Variants in DROSHA observed in about 807,000 individuals in gnomAD.
The protein encoded by DROSHA is drosha ribonuclease III.
A neutral mutation model predicts 181.9 loss-of-function variants in DROSHA; 56 were observed. The ratio of observed to expected loss-of-function variants is 0.31; its 90% CI spans 0.25 to 0.38. The LOEUF is 0.38. Ranked by LOEUF, DROSHA falls within the 10% of genes least tolerant of loss-of-function variation. DROSHA has a pLI of 1.00. For missense variants in DROSHA, 1,218 were observed against 1,743.5 expected (o/e 0.70, Z 5.37); for synonymous variants, 524 against 591.2 (o/e 0.89, Z 1.65).
chr5:31,500,818 G>A (rs1045494322), intron 11 of DROSHA, among the ~76,000 whole-genome samples: 1 of 152,160 alleles, frequency 6.6e-6, no homozygotes, highest in East Asian at 1.9e-4. Flanking sequence ...CAGCCAAAGG[G>A]GTCTGACCCA....
chr5:31,526,827 G>A lies in DROSHA; in HGVS notation c.106C>T (p.Pro36Ser). 6.2e-7 allele frequency: 1 copy of A among 1,613,282 alleles called. No individual in the cohort carries two copies. Among genetic ancestry groups the A allele is most frequent in the Non-Finnish European group, 8.5e-7 (1 of 1,179,792 alleles). ...GGGTGAAGCAGCCTCAGATTTTGGG[G>A]CCTAAAGGATGGTGCTGAGGGTCTG... Reference protein sequence around the residue: ...GARPSAPSFRPQNLRLLHPQQ... With the variant: ...GARPSAPSFRSQNLRLLHPQQ... Residue 36 changes from proline to serine, a missense_variant, in exon 5 of 36, where the codon CCC becomes TCC. Pro to Ser is a moderately conservative substitution (Grantham distance 74, BLOSUM62 -1). This residue lies in a region of DROSHA where 536 missense variants were observed against 535.4 expected (regional missense o/e 1.00). Coordinates refer to ENST00000344624, the MANE Select transcript of DROSHA (RefSeq NM_001382508.1).
chr5:31,496,300 T>C (rs538833161), intron 11 of DROSHA, among the ~76,000 whole-genome samples: 2 of 152,246 alleles, frequency 1.3e-5, no homozygotes, highest in South Asian at 4.2e-4. Context: ...TGGTGGTGCA[T>C]GCCTGTGGTC....
At chr5:31,474,622 C>G (rs1750150151) in intron 16 of DROSHA, among the ~76,000 whole-genome samples, 1 of 152,124 alleles carries the variant, frequency 6.6e-6, no homozygotes, top group South Asian at 2.1e-4. Flanking sequence ...CCTTAGCCTC[C>G]CAAAGTGCTG....
chr5:31,438,884 G>A (rs1028414220), intron 23 of DROSHA, among the ~76,000 whole-genome samples: 5 of 152,032 alleles, frequency 3.3e-5, no homozygotes, highest in African/African-American at 9.7e-5. Context: ...GGAGGTAGGA[G>A]GAAAACGAAG....
intron 30 of DROSHA, among the ~76,000 whole-genome samples, chr5:31,418,958 G>A (rs935934432): frequency 6.6e-6 from 1 of 152,140 alleles, no homozygotes. Flanking sequence ...GTCATCTGCC[G>A]GTAAGATGAA....
intron 20 of DROSHA, among the ~76,000 whole-genome samples, chr5:31,458,347 G>A (rs571473173): frequency 1.3e-5 from 2 of 152,144 alleles, no homozygotes; most frequent in Non-Finnish European, 2.9e-5. Flanking sequence ...GCTAATCTGG[G>A]ACTACTTGTT....
chr5:31,406,547 TACAC>T (rs990661816), intron 34 of DROSHA, among the ~76,000 whole-genome samples: 7 of 152,108 alleles, frequency 4.6e-5, no homozygotes, highest in Non-Finnish European at 7.4e-5. Context: ...TGACACATCT[TACAC>T]ACACAGCTTG....
At chr5:31,460,623 A>G (rs762879888) in intron 20 of DROSHA, among the ~76,000 whole-genome samples, 9 of 152,242 alleles carry the variant, frequency 5.9e-5, no homozygotes, top group Non-Finnish European at 1.2e-4. Flanking sequence ...AGGATTTTAA[A>G]TAAATCCTTT....
At chr5:31,466,405 C>CTTTCTGCCATTA in intron 18 of DROSHA, 124 bp from the exon 19 acceptor site, 1 of 789,680 alleles carries the variant, frequency 1.3e-6, no homozygotes, top group Non-Finnish European at 2.1e-6. Flanking sequence ...TTCTTAATGG[C>CTTTCTGCCATTA]AGAAAGCCAT....
Position 31,448,613 on chromosome 5 carries a change from T to G in DROSHA, c.2822-6A>C, listed in dbSNP as rs1200211550. ...ATTTATCAAGGTGTTAATCCCTATT[T>G]AAAATAAAAAACAAATACACAAGTA... On this transcript the variant is annotated splice_polypyrimidine_tract_variant and splice_region_variant and intron_variant, in intron 22 of 35. Transcript: ENST00000344624. 2 of 1,611,144 alleles carry G rather than the reference T, an allele frequency of 1.2e-6. No individual in the cohort carries two copies. Among genetic ancestry groups the G allele is most frequent in the Non-Finnish European group, 1.7e-6 (2 of 1,177,894 alleles).
At chr5:31,413,323 A>G (rs1741541849) in intron 30 of DROSHA, among the ~76,000 whole-genome samples, 2 of 152,238 alleles carry the variant, frequency 1.3e-5, no homozygotes, top group South Asian at 4.1e-4. Flanking sequence ...GAAGGAAGCT[A>G]CACATCATCC....
At chr5:31,465,929 T>G (rs1748947116) in intron 19 of DROSHA, among the ~76,000 whole-genome samples, 1 of 152,152 alleles carries the variant, frequency 6.6e-6, no homozygotes, top group South Asian at 2.1e-4. Context: ...CTTTTCTTTA[T>G]AAATTACCCA....
chr5:31,464,436 A>G, intron 19 of DROSHA, 93 bp from the exon 20 acceptor site: 1 of 1,078,832 alleles, frequency 9.3e-7, no homozygotes, highest in East Asian at 2.5e-5. Flanking sequence ...GGATTCATTT[A>G]ATATTACCCC....
At chr5:31,525,270 T>C (rs6898819) in intron 5 of DROSHA, among the ~76,000 whole-genome samples, 64,553 of 143,304 alleles carry the variant, frequency 0.45, 14,455 homozygotes, top group South Asian at 0.51. Flanking sequence ...GCAGAGGTTG[T>C]AGTGAGCCGA....
intron 16 of DROSHA, among the ~76,000 whole-genome samples, chr5:31,475,475 G>T (rs1750256784): frequency 6.6e-6 from 1 of 152,158 alleles, no homozygotes; most frequent in Non-Finnish European, 1.5e-5. Flanking sequence ...TTTCTAAGGG[G>T]ACTGAGGTGA....
intron 20 of DROSHA, among the ~76,000 whole-genome samples, chr5:31,453,403 T>C (rs541963010): frequency 1.5e-4 from 23 of 152,152 alleles, no homozygotes; most frequent in Non-Finnish European, 2.6e-4. Context: ...GGTTTCGCCA[T>C]GTTGCCCAGG....
chr5:31,467,817 G>T, intron 18 of DROSHA, 122 bp downstream of exon 18: 1 of 1,294,036 alleles, frequency 7.7e-7, no homozygotes, highest in Non-Finnish European at 1.0e-6. Context: ...TAAATTGGAA[G>T]TATGGCTCAT....
At position 31,496,226 on chromosome 5, in the gene DROSHA, C is replaced by T. The variant is rs1488214590; in HGVS notation, c.1669-854G>A. 4.6e-5 allele frequency among the ~76,000 whole-genome samples: 7 copies of T among 152,112 alleles called. 1 individual carries two copies. The highest frequency in any genetic ancestry group is 4.6e-4 in the Admixed American group (7 of 15,278). On this transcript the variant is annotated intron_variant, in intron 11 of 35. Coordinates refer to ENST00000344624, the MANE Select transcript of DROSHA (RefSeq NM_001382508.1). ...CCAAGGTGGGAGGATTGCTTAAGCC[C>T]AGGAGTTCAAGACCAGCCTGGGCAA... is the stretch of plus-strand genomic sequence containing the variant.
intron 5 of DROSHA, among the ~76,000 whole-genome samples, chr5:31,523,985 A>C (rs1347157553): frequency 6.6e-6 from 1 of 151,342 alleles, no homozygotes; most frequent in Non-Finnish European, 1.5e-5. Flanking sequence ...CCAAAAAAAA[A>C]AAAAAAAAAA....
Sources: allele counts gnomAD v4.1 joint callset (sites outside exome capture counted in the v4.1 genomes callset), GRCh38; gene constraint gnomAD v4.1.1; regional missense constraint gnomAD v4.1.1; transcripts MANE v1.5; gene names NCBI Gene and HGNC (gene_info 2026-07-23, HGNC 2026-07-21).